The following TENT4A variants were observed in gnomAD, a reference collection of about 807,000 sequenced individuals.
TENT4A encodes terminal nucleotidyltransferase 4A.
In TENT4A, 7 loss-of-function variants were observed where a neutral mutation model predicts 72.8. The ratio of observed to expected loss-of-function variants is 0.10; its 90% CI spans 0.05 to 0.18. The LOEUF is 0.18. TENT4A is among the 10% of genes least tolerant of loss of function. The probability of loss-of-function intolerance (pLI) is 1.00; values close to 1 mark genes in which losing one functional copy is unlikely to be tolerated. For synonymous variants in TENT4A, 456 were observed against 434.3 expected, an observed-to-expected ratio of 1.05 and a Z score of -0.62; for missense variants, 831 against 1,017.7, an observed-to-expected ratio of 0.82 and a Z score of 2.50.
chr5:6,754,699 G>C, intron 12 of TENT4A, 52 bp from the exon 13 acceptor site: 1 of 1,438,694 alleles, frequency 7.0e-7, no homozygotes, highest in Non-Finnish European at 9.4e-7. Context: ...CGAGGACGTG[G>C]GCATTGTGCC....
rs540714218 is a variant in TENT4A at position 6,715,987 on chromosome 5, G to A, written c.716+1288G>A. On this transcript the variant is annotated intron_variant, in intron 1 of 12. Coordinates refer to ENST00000230859, the MANE Select transcript of TENT4A (RefSeq NM_006999.6). ...AATAGCAATATATACCTAAGGGCTC[G>A]CTTGGGGAGGACCTTTAGGTTTCCA... 4.6e-5 allele frequency among the ~76,000 whole-genome samples: 7 copies of A among 152,252 alleles called. No individual in the cohort carries two copies. The South Asian group carries it at 1.5e-3, about 32-fold the overall frequency.
intron 10 of TENT4A, 72 bp from the exon 11 acceptor site, chr5:6,750,967 C>T: frequency 1.4e-6 from 2 of 1,476,412 alleles, no homozygotes; most frequent in East Asian, 4.8e-5. Context: ...CGTTTCTTTT[C>T]ATAGCTTTAA....
chr5:6,718,194 T>C (rs1033802117), intron 1 of TENT4A, among the ~76,000 whole-genome samples: 1 of 152,242 alleles, frequency 6.6e-6, no homozygotes, highest in Non-Finnish European at 1.5e-5. Flanking sequence ...CCGACGACTG[T>C]CGGCATAGGA....
At chr5:6,752,075 A>G (rs1742435982) in intron 11 of TENT4A, among the ~76,000 whole-genome samples, 1 of 152,226 alleles carries the variant, frequency 6.6e-6, no homozygotes, top group East Asian at 1.9e-4. Context: ...CTTAAAATGA[A>G]TTATACCACA....
chr5:6,747,624 C>G (rs28381400), intron 7 of TENT4A, among the ~76,000 whole-genome samples: 2 of 151,980 alleles, frequency 1.3e-5, no homozygotes, highest in African/African-American at 2.4e-5. Context: ...CATTTTTGTC[C>G]GTTGGATGAG....
Position 6,751,095 on chromosome 5 carries a change from G to A in TENT4A, c.1917G>A (p.Ala639=), listed in dbSNP as rs113180271. 8.7e-3 allele frequency: 14,095 copies of A among 1,614,112 alleles called. 83 individuals are homozygous for A. The highest frequency in any genetic ancestry group is 9.4e-3 in the Non-Finnish European group (11,050 of 1,179,992). Reference sequence around the variant, plus strand: ...GTGTTTACCAGTTCAGTCTGCAAGCGCCAGCTCCTCTCATGGCCGGCTTAC... The same window carrying A: ...GTGTTTACCAGTTCAGTCTGCAAGCACCAGCTCCTCTCATGGCCGGCTTAC... ...TPSVYQFSLQ[A]PAPLMAGLPT... Residue 639 remains alanine (A), a synonymous_variant, in exon 11 of 13, where the codon GCG becomes GCA. Coordinates refer to ENST00000230859, the MANE Select transcript of TENT4A (RefSeq NM_006999.6).
At position 6,714,306 on chromosome 5, in the gene TENT4A, T is replaced by A; in HGVS notation, c.323T>A (p.Leu108Gln). 1 of 1,104,120 alleles carries A rather than the reference T, an allele frequency of 9.1e-7. No individual in the cohort carries two copies. The highest frequency in any genetic ancestry group is 1.1e-6 in the Non-Finnish European group (1 of 907,504). The allele number at this position is 1,104,120 out of a possible 1,614,324, so 68.4% of individuals were successfully genotyped here. The change falls in exon 1 of 13, where the codon CTG (leucine) becomes CAG (glutamine). Residue 108 changes from leucine (L) to glutamine (Q), a missense_variant. This residue lies in a region of TENT4A where 302 missense variants were observed against 293.8 expected (regional missense o/e 1.03). Coordinates refer to ENST00000230859, the MANE Select transcript of TENT4A (RefSeq NM_006999.6). ...GARRLHKSPS[L>Q]SSSSSSSSSN... ...CGGCGCTTGCACAAGTCGCCGTCGC[T>A]GTCGTCCTCGTCGTCGTCCTCCTCG...
Position 6,714,031 on chromosome 5 carries a change from C to G in TENT4A, c.48C>G (p.Ala16=). The change falls in exon 1 of 13, where the codon GCC becomes GCG. Residue 16 remains alanine (A), a synonymous_variant. Transcript: ENST00000230859. ...TCCAGCCCGAGCAGAAGGGGCCGGC[C>G]AATGCCCTGTGGATGCAGATCTGGG... is the stretch of plus-strand genomic sequence containing the variant. ...AWIQPEQKGP[A]NALWMQIWET... The G allele has an allele frequency of 3.0e-6, 3 of 987,848 alleles. No homozygotes were observed. The highest frequency in any genetic ancestry group is 3.6e-6 in the Non-Finnish European group (3 of 832,624). 61.2% of individuals were successfully genotyped at this position (987,848 alleles called of 1,614,324 possible).
chr5:6,752,908 T>G lies in TENT4A; in HGVS notation c.2055T>G (p.Val685=). 1.2e-6 allele frequency: 2 copies of G among 1,614,156 alleles called. No homozygotes were observed. The highest frequency in any genetic ancestry group is 2.2e-5 in the South Asian group (2 of 91,084). Residue 685 remains valine (V), a synonymous_variant, in exon 12 of 13, where the codon GTT becomes GTG. Transcript: ENST00000230859. ...RFTIPPPTLG[V]APVPCRQAGV... is the part of the protein sequence containing the mutation. ...CTATACCTCCACCGACCCTAGGGGT[T>G]GCTCCTGTTCCTTGCAGACAAGCTG...
Position 6,756,777 on chromosome 5 carries a change from A to C in TENT4A, c.*1832A>C, listed in dbSNP as rs1742724550. 6.6e-6 allele frequency: 1 copy of C among 152,626 alleles called. No individual in the cohort carries two copies. The highest frequency in any genetic ancestry group is 1.5e-5 in the Non-Finnish European group (1 of 68,034). The allele number at this position is 152,626 out of a possible 1,614,324, so 9.5% of individuals were successfully genotyped here. A position where few individuals can be genotyped will look rare whatever the true frequency, so the allele number is the denominator to read the frequency against. ...GCAATATTGACTGTAAACCCACATT[A>C]AGGAAACCACTACGGGTCTGGCAGT... On this transcript the variant is annotated 3_prime_UTR_variant, in exon 13 of 13. Transcript: ENST00000230859.
At chr5:6,745,696 A>G (rs1219935281) in intron 6 of TENT4A, among the ~76,000 whole-genome samples, 1 of 152,198 alleles carries the variant, frequency 6.6e-6, no homozygotes, top group Non-Finnish European at 1.5e-5. Flanking sequence ...CTGTGTGACA[A>G]GCAGGATGGA....
intron 1 of TENT4A, among the ~76,000 whole-genome samples, chr5:6,718,395 C>T (rs1463884876): frequency 6.6e-6 from 1 of 152,180 alleles, no homozygotes; most frequent in African/African-American, 2.4e-5. Context: ...TTGTGATGCT[C>T]AGCAGGGCCT....
intron 1 of TENT4A, among the ~76,000 whole-genome samples, chr5:6,725,141 A>G (rs893593863): frequency 2.0e-5 from 3 of 152,146 alleles, no homozygotes; most frequent in Admixed American, 6.5e-5. Context: ...CTAACACAGT[A>G]AAACCCCATC....
chr5:6,718,195 C>G (rs1247906591), intron 1 of TENT4A, among the ~76,000 whole-genome samples: 1 of 152,236 alleles, frequency 6.6e-6, no homozygotes, highest in Non-Finnish European at 1.5e-5. Flanking sequence ...CGACGACTGT[C>G]GGCATAGGAC....
At chr5:6,727,094 G>A (rs1226005453) in intron 1 of TENT4A, among the ~76,000 whole-genome samples, 1 of 152,064 alleles carries the variant, frequency 6.6e-6, no homozygotes, top group African/African-American at 2.4e-5. Context: ...GTGCTTTCTC[G>A]ATGTGTCCTT....
At chr5:6,719,171 G>C (rs992850764) in intron 1 of TENT4A, among the ~76,000 whole-genome samples, 1 of 152,186 alleles carries the variant, frequency 6.6e-6, no homozygotes, top group African/African-American at 2.4e-5. Context: ...TAAGATTTGT[G>C]TCTCAAGGTA....
chr5:6,726,552 G>A (rs886162855), intron 1 of TENT4A, among the ~76,000 whole-genome samples: 2 of 152,130 alleles, frequency 1.3e-5, no homozygotes, highest in African/African-American at 4.8e-5. Context: ...CCTCTACCGC[G>A]TTTGCAGATA....
intron 8 of TENT4A, among the ~76,000 whole-genome samples, chr5:6,749,178 G>A (rs759032608): frequency 6.6e-6 from 1 of 152,154 alleles, no homozygotes; most frequent in Non-Finnish European, 1.5e-5. Flanking sequence ...TTCCTGAGCC[G>A]CTGTCTGCTC....
At chr5:6,717,792 A>G (rs1740459492) in intron 1 of TENT4A, among the ~76,000 whole-genome samples, 1 of 152,194 alleles carries the variant, frequency 6.6e-6, no homozygotes, top group African/African-American at 2.4e-5. Flanking sequence ...GTCACTTGCA[A>G]GTGCTCTCAT....
Sources: gnomAD v4.1 joint callset for allele counts (sites outside exome capture counted in the v4.1 genomes callset) on GRCh38, gnomAD v4.1.1 for gene constraint, gnomAD v4.1.1 regional missense constraint, MANE v1.5 for transcripts, NCBI Gene and HGNC (gene_info 2026-07-23, HGNC 2026-07-21) for gene names.